The following ST8SIA5 variants were observed in gnomAD, a reference collection of about 807,000 sequenced individuals.
ST8SIA5 encodes the protein alpha-2,8-sialyltransferase 8E.
ST8SIA5 carries 24 observed loss-of-function variants against 40.2 expected under a neutral mutation model. The ratio of observed to expected loss-of-function variants is 0.60; its 90% CI spans 0.43 to 0.84. The LOEUF (loss-of-function observed/expected upper bound fraction) is 0.84, where lower values mean the gene tolerates loss of function less well. Ranked by LOEUF, ST8SIA5 falls within the 40% of genes least tolerant of loss-of-function variation. The probability of loss-of-function intolerance (pLI) is 0.00; values close to 1 mark genes in which losing one functional copy is unlikely to be tolerated. For synonymous variants in ST8SIA5, 198 were observed against 201.8 expected, an observed-to-expected ratio of 0.98 and a Z score of 0.16; for missense variants, 465 against 498.5, an observed-to-expected ratio of 0.93 and a Z score of 0.64.
intron 4 of ST8SIA5, among the ~76,000 whole-genome samples, chr18:46,686,546 C>A (rs773211672): frequency 3.9e-5 from 6 of 152,176 alleles, no homozygotes; most frequent in Admixed American, 6.5e-5. Flanking sequence ...TGGCACACAG[C>A]GGCTGGCAGA....
intron 1 of ST8SIA5, among the ~76,000 whole-genome samples, chr18:46,743,639 C>T (rs190293920): frequency 6.6e-6 from 1 of 152,286 alleles, no homozygotes; most frequent in Non-Finnish European, 1.5e-5. Context: ...GGGAAACAGT[C>T]TTCAGGATAT....
At chr18:46,731,354 A>C (rs1334654777) in intron 1 of ST8SIA5, among the ~76,000 whole-genome samples, 1 of 152,262 alleles carries the variant, frequency 6.6e-6, no homozygotes, top group East Asian at 1.9e-4. Flanking sequence ...AATGAAAAAT[A>C]AGGAAAACAA....
rs917642545 is a variant in ST8SIA5 at position 46,678,020 on chromosome 18, T to C, written c.*2022A>G. On this transcript the variant is annotated 3_prime_UTR_variant, in exon 7 of 7. Coordinates refer to ENST00000315087, the MANE Select transcript of ST8SIA5 (RefSeq NM_013305.6). ...GAACTGGGTTCAATTAACCATGCAG[T>C]GGCTAGAAATCTCAGGTAACTGGAA... is the stretch of plus-strand genomic sequence containing the variant. 6.6e-6 allele frequency: 1 copy of C among 152,250 alleles called. No individual in the cohort carries two copies. The highest frequency in any genetic ancestry group is 1.5e-5 in the Non-Finnish European group (1 of 68,052). 9.4% of individuals were successfully genotyped at this position (152,250 alleles called of 1,614,324 possible). A position where few individuals can be genotyped will look rare whatever the true frequency, so the allele number is the denominator to read the frequency against.
At chr18:46,687,001 A>C (rs566046348) in intron 4 of ST8SIA5, among the ~76,000 whole-genome samples, 81 of 152,304 alleles carry the variant, frequency 5.3e-4, no homozygotes, top group African/African-American at 1.9e-3. Context: ...TGGGAAGCTG[A>C]ATTTTTTACA....
intron 1 of ST8SIA5, among the ~76,000 whole-genome samples, chr18:46,748,409 C>T (rs1599155887): frequency 6.6e-6 from 1 of 151,310 alleles, no homozygotes; most frequent in Non-Finnish European, 1.5e-5. Flanking sequence ...AATAAAAATA[C>T]AAAAATTAGC....
intron 2 of ST8SIA5, among the ~76,000 whole-genome samples, chr18:46,692,868 A>G (rs1314530987): frequency 1.9e-5 from 1 of 53,300 alleles, no homozygotes; most frequent in Non-Finnish European, 3.6e-5. Context: ...TCCCCTCCCC[A>G]CCCCCCACCC....
chr18:46,722,334 C>T (rs145192849), intron 1 of ST8SIA5, among the ~76,000 whole-genome samples: 48 of 152,292 alleles, frequency 3.2e-4, no homozygotes. Context: ...TCACAGATGT[C>T]AGGAGATTGC....
chr18:46,718,222 C>T (rs1335933259), intron 1 of ST8SIA5, among the ~76,000 whole-genome samples: 1 of 149,124 alleles, frequency 6.7e-6, no homozygotes, highest in East Asian at 2.0e-4. Context: ...CCCAGCTACT[C>T]AGTAGGCTGA....
At chr18:46,700,042 G>A (rs2039596173) in intron 2 of ST8SIA5, among the ~76,000 whole-genome samples, 1 of 152,234 alleles carries the variant, frequency 6.6e-6, no homozygotes, top group Non-Finnish European at 1.5e-5. Context: ...CCCCATCTGG[G>A]TGTGAGCACA....
chr18:46,739,506 C>T (rs1161894677), intron 1 of ST8SIA5, among the ~76,000 whole-genome samples: 2 of 152,210 alleles, frequency 1.3e-5, no homozygotes, highest in Non-Finnish European at 2.9e-5. Flanking sequence ...TGCACTCCAG[C>T]ATGGGTAACA....
intron 1 of ST8SIA5, among the ~76,000 whole-genome samples, chr18:46,719,317 G>A (rs898991984): frequency 2.0e-5 from 3 of 152,190 alleles, no homozygotes; most frequent in African/African-American, 7.2e-5. Context: ...CCCAGATCAT[G>A]GAGAGAGGGG....
rs1376871977 is a variant in ST8SIA5 at position 46,675,810 on chromosome 18, G to A, written c.*4232C>T. The A allele has an allele frequency of 1.3e-5, 2 of 152,096 alleles. No individual in the cohort carries two copies. The highest frequency in any genetic ancestry group is 6.5e-5 in the Admixed American group (1 of 15,270). 9.4% of individuals were successfully genotyped at this position (152,096 alleles called of 1,614,324 possible). A position where few individuals can be genotyped will look rare whatever the true frequency, so the allele number is the denominator to read the frequency against. On this transcript the variant is annotated 3_prime_UTR_variant, in exon 7 of 7. Coordinates refer to ENST00000315087, the MANE Select transcript of ST8SIA5 (RefSeq NM_013305.6). Reference sequence around the variant, plus strand: ...CACACCTGTAATCCCAGCACTTTGGGAGGCCAAGGCAGGAGGATTGCTTGA... The same window carrying A: ...CACACCTGTAATCCCAGCACTTTGGAAGGCCAAGGCAGGAGGATTGCTTGA...
intron 1 of ST8SIA5, among the ~76,000 whole-genome samples, chr18:46,711,938 T>C (rs970318144): frequency 6.6e-6 from 1 of 152,312 alleles, no homozygotes; most frequent in African/African-American, 2.4e-5. Context: ...AAAAGCCTGA[T>C]GTTCTCAGTG....
chr18:46,707,088 C>G (rs1009076329), intron 1 of ST8SIA5, among the ~76,000 whole-genome samples: 3 of 152,226 alleles, frequency 2.0e-5, no homozygotes, highest in Non-Finnish European at 4.4e-5. Flanking sequence ...GACCTTGGCT[C>G]TAACTCACCT....
chr18:46,736,654 G>A (rs1365690652), intron 1 of ST8SIA5, among the ~76,000 whole-genome samples: 1 of 152,132 alleles, frequency 6.6e-6, no homozygotes, highest in Non-Finnish European at 1.5e-5. Flanking sequence ...CCTTTGATCT[G>A]CTGAGGAAGA....
rs1230402060 is a variant in ST8SIA5, at chr18:46,674,654, A to C, written c.*5388T>G. On this transcript the variant is annotated 3_prime_UTR_variant, in exon 7 of 7. Transcript: ENST00000315087. ...GTGTCTTCCCTTGGGGAGAAGGCAA[A>C]CCTTCTATCAAGGACACACGGGCCC... is the stretch of plus-strand genomic sequence containing the variant. 6.6e-6 allele frequency: 1 copy of C among 152,218 alleles called. No homozygotes were observed. Among genetic ancestry groups the C allele is most frequent in the Admixed American group, 6.5e-5 (1 of 15,272 alleles). The allele number at this position is 152,218 out of a possible 1,614,324, so 9.4% of individuals were successfully genotyped here. A position where few individuals can be genotyped will look rare whatever the true frequency, so the allele number is the denominator to read the frequency against.
At chr18:46,753,906 T>A (rs1380298488) in intron 1 of ST8SIA5, among the ~76,000 whole-genome samples, 1 of 151,974 alleles carries the variant, frequency 6.6e-6, no homozygotes, top group African/African-American at 2.4e-5. Context: ...CAAAGGCAGG[T>A]TAGTAGATCT....
chr18:46,714,040 C>G (rs1394424331), intron 1 of ST8SIA5, among the ~76,000 whole-genome samples: 2 of 152,146 alleles, frequency 1.3e-5, no homozygotes, highest in Non-Finnish European at 2.9e-5. Flanking sequence ...AAAAGGCAAG[C>G]CTAAGAGCCC....
chr18:46,753,492 G>A (rs2040213813), intron 1 of ST8SIA5, among the ~76,000 whole-genome samples: 1 of 151,744 alleles, frequency 6.6e-6, no homozygotes, highest in South Asian at 2.1e-4. Flanking sequence ...AGAATGGCCT[G>A]AACCCGGGAG....
Sources: gnomAD v4.1 joint callset for allele counts (sites outside exome capture counted in the v4.1 genomes callset) on GRCh38, gnomAD v4.1.1 for gene constraint, MANE v1.5 for transcripts, NCBI Gene and HGNC (gene_info 2026-07-23, HGNC 2026-07-21) for gene names.